The following ROS1 variants were observed in gnomAD, a reference collection of about 807,000 sequenced individuals.
The protein encoded by ROS1 is proto-oncogene tyrosine-protein kinase ROS.
In ROS1, 263 loss-of-function variants were observed where a neutral mutation model predicts 273.5. The observed-to-expected ratio is 0.96, with a 90% CI of 0.87 to 1.06. ROS1 has a LOEUF of 1.06. Among genes scored for constraint, ROS1 ranks in the 50% least tolerant of loss-of-function variants. ROS1 has a pLI of 0.00. For synonymous variants in ROS1, 1,008 were observed against 954.1 expected, an observed-to-expected ratio of 1.06 and a Z score of -1.04; for missense variants, 2,833 against 2,751.1, an observed-to-expected ratio of 1.03 and a Z score of -0.67.
chr6:117,404,226 A>C, intron 6 of ROS1, 54 bp downstream of exon 6: 2 of 1,564,076 alleles, frequency 1.3e-6, no homozygotes, highest in Non-Finnish European at 1.7e-6. Context: ...GTCTCAAAAA[A>C]AAAAAAAAAT....
chr6:117,329,186 CG>C, intron 33 of ROS1, 142 bp downstream of exon 33: 1 of 602,918 alleles, frequency 1.7e-6, no homozygotes, highest in Non-Finnish European at 3.0e-6. Flanking sequence ...GAGCAAAGAA[CG>C]TAATGATGCA....
chr6:117,348,859 G>T (rs972902787), intron 27 of ROS1, among the ~76,000 whole-genome samples: 1 of 151,824 alleles, frequency 6.6e-6, no homozygotes, highest in East Asian at 1.9e-4. Flanking sequence ...TTAGAAATAC[G>T]TTGTTTAATC....
chr6:117,309,239 C>T (rs59551553), intron 41 of ROS1, among the ~76,000 whole-genome samples: 1 of 152,118 alleles, frequency 6.6e-6, no homozygotes, highest in Non-Finnish European at 1.5e-5. Flanking sequence ...TATGCACACA[C>T]AGAAACAGAC....
chr6:117,311,722 A>G (rs909434640), intron 39 of ROS1, among the ~76,000 whole-genome samples: 1 of 151,948 alleles, frequency 6.6e-6, no homozygotes, highest in African/African-American at 2.4e-5. Context: ...GTTTCAAATT[A>G]CTCCTCTCAT....
intron 18 of ROS1, 25 bp from the exon 19 acceptor site, chr6:117,366,315 T>C (rs1459891858): frequency 6.4e-7 from 1 of 1,573,474 alleles, no homozygotes; most frequent in Admixed American, 1.7e-5. Flanking sequence ...CACCAATTAG[T>C]GTGTGTTTCT....
intron 31 of ROS1, among the ~76,000 whole-genome samples, chr6:117,340,216 A>C (rs1316885077): frequency 1.3e-5 from 2 of 152,160 alleles, no homozygotes; most frequent in Non-Finnish European, 2.9e-5. Context: ...AGTCCAATGA[A>C]ACTATGGTCT....
intron 43 of ROS1, among the ~76,000 whole-genome samples, chr6:117,290,296 C>T (rs1773745624): frequency 6.6e-6 from 1 of 152,252 alleles, no homozygotes; most frequent in South Asian, 2.1e-4. Context: ...TAGCTAACTA[C>T]TTTATTGGTT....
At position 117,379,108 on chromosome 6, in the gene ROS1, G is replaced by A. The variant is rs764329833; in HGVS notation, c.2533C>T (p.Gln845Ter). Residue 845 changes from glutamine (Q) to a stop codon, truncating the protein, a stop_gained, in exon 18 of 44, where the codon CAA becomes TAA. Coordinates refer to ENST00000368507, the MANE Select transcript of ROS1 (RefSeq NM_001378902.1). LOFTEE classifies it high-confidence loss of function. The stretch of plus-strand genomic sequence containing the variant: ...TACAGGTGAATACATTGACTGTCTT[G>A]AACCAACCAATACAGGAGCCCATCA... ...LSDGLLYWLV[Q>*]DSQCIHLYTA... The A allele has an allele frequency of 9.9e-6, 16 of 1,613,310 alleles. No homozygotes were observed. In the South Asian group the frequency reaches 1.8e-4, roughly 18 times the overall value.
At chr6:117,403,805 A>G (rs1399031205) in intron 6 of ROS1, among the ~76,000 whole-genome samples, 2 of 152,234 alleles carry the variant, frequency 1.3e-5, no homozygotes, top group Non-Finnish European at 2.9e-5. Context: ...TCCCTATAAA[A>G]TAAGCCTTAA....
intron 3 of ROS1, among the ~76,000 whole-genome samples, chr6:117,415,530 A>T (rs1775272123): frequency 6.6e-6 from 1 of 152,216 alleles, no homozygotes; most frequent in African/African-American, 2.4e-5. Flanking sequence ...TGATCAGAGT[A>T]GTTACAACAC....
At chr6:117,342,950 C>G (rs1311745668) in intron 28 of ROS1, among the ~76,000 whole-genome samples, 5 of 152,122 alleles carry the variant, frequency 3.3e-5, no homozygotes, top group Non-Finnish European at 7.4e-5. Context: ...AAAAGACTTT[C>G]CTTAGACCAA....
intron 1 of ROS1, among the ~76,000 whole-genome samples, chr6:117,424,939 TA>T (rs1444926438): frequency 6.6e-6 from 1 of 152,086 alleles, no homozygotes; most frequent in Non-Finnish European, 1.5e-5. Context: ...ACAACTAAAT[TA>T]CAACTGAAAA....
At chr6:117,303,439 T>C (rs552440795) in intron 42 of ROS1, among the ~76,000 whole-genome samples, 95 of 152,224 alleles carry the variant, frequency 6.2e-4, no homozygotes, top group African/African-American at 2.1e-3. Context: ...ATACTACTCA[T>C]GGGAATAGGG....
intron 16 of ROS1, among the ~76,000 whole-genome samples, chr6:117,383,851 T>C (rs1772355557): frequency 6.6e-6 from 1 of 152,250 alleles, no homozygotes; most frequent in Non-Finnish European, 1.5e-5. Context: ...CGAAAAAAGA[T>C]GTTTATGTCC....
At position 117,404,082 on chromosome 6, in the gene ROS1, A is replaced by G. The variant is rs571672718; in HGVS notation, c.465+198T>C. 6.6e-5 allele frequency among the ~76,000 whole-genome samples: 10 copies of G among 152,334 alleles called. No homozygotes were observed. In the South Asian group the frequency reaches 1.9e-3, roughly 28 times the overall value. On this transcript the variant is annotated intron_variant, in intron 6 of 43. Coordinates refer to ENST00000368507, the MANE Select transcript of ROS1 (RefSeq NM_001378902.1). Reference sequence around the variant, plus strand: ...AACCGTGTCTCTACTGAAAATACAAAAAATTAGCCGGGCGCGATGGCGGGC... The same window carrying G: ...AACCGTGTCTCTACTGAAAATACAAGAAATTAGCCGGGCGCGATGGCGGGC...
At chr6:117,339,157 T>A (rs1562287653) in intron 31 of ROS1, among the ~76,000 whole-genome samples, 1 of 152,152 alleles carries the variant, frequency 6.6e-6, no homozygotes, top group Non-Finnish European at 1.5e-5. Flanking sequence ...CGACTTTGAA[T>A]GTAGCCCAAC....
intron 42 of ROS1, among the ~76,000 whole-genome samples, chr6:117,301,924 T>C (rs777697505): frequency 1.3e-5 from 2 of 152,170 alleles, no homozygotes. Flanking sequence ...CCAAGAAATA[T>C]CTGTGCAGCA....
intron 32 of ROS1, among the ~76,000 whole-genome samples, chr6:117,334,133 C>A (rs1324268346): frequency 2.6e-5 from 4 of 152,182 alleles, no homozygotes; most frequent in Admixed American, 2.6e-4. Context: ...AACTGATAAG[C>A]AACTTCAGCA....
intron 12 of ROS1, among the ~76,000 whole-genome samples, chr6:117,391,968 C>T (rs550769042): frequency 6.4e-4 from 98 of 152,226 alleles, no homozygotes; most frequent in Non-Finnish European, 1.2e-3. Flanking sequence ...AGTCACATTG[C>T]AAAATCTAAG....
Sources: allele counts gnomAD v4.1 joint callset (sites outside exome capture counted in the v4.1 genomes callset), GRCh38; gene constraint gnomAD v4.1.1; transcripts MANE v1.5; gene names NCBI Gene and HGNC (gene_info 2026-07-23, HGNC 2026-07-21).